The following FSTL5 variants were observed in gnomAD, a reference collection of about 807,000 sequenced individuals.
The protein encoded by FSTL5 is follistatin-related protein 5.
In FSTL5, 62 loss-of-function variants were observed where a neutral mutation model predicts 89.1. That is an observed-to-expected ratio of 0.70 (90% CI 0.57 to 0.86). FSTL5 has a LOEUF of 0.86. Ranked by LOEUF, FSTL5 falls within the 40% of genes least tolerant of loss-of-function variation. The pLI, the probability that FSTL5 is intolerant of heterozygous loss-of-function variation, is 0.00. For missense variants in FSTL5, 1,057 were observed against 1,001.6 expected (o/e 1.06, Z -0.75); for synonymous variants, 383 against 346.2 (o/e 1.11, Z -1.18).
intron 4 of FSTL5, among the ~76,000 whole-genome samples, chr4:161,831,121 G>A (rs1730830347): frequency 1.3e-5 from 2 of 151,486 alleles, no homozygotes; most frequent in South Asian, 2.1e-4. Flanking sequence ...GAGAGTGGGG[G>A]AAATTGGTAA....
In FSTL5 at chr4:161,567,558, C is replaced by T. The variant is rs571119205; in HGVS notation, c.1015+19897G>A. Among the ~76,000 whole-genome samples, 3 of 152,184 alleles carry T rather than the reference C, an allele frequency of 2.0e-5. No homozygotes were observed. The South Asian group carries it at 6.2e-4, about 32-fold the overall frequency. On this transcript the variant is annotated intron_variant, in intron 8 of 15. Coordinates refer to ENST00000306100, the MANE Select transcript of FSTL5 (RefSeq NM_020116.5). ...TACATAGAAGTAATCTATGATATATCACTCCTAGTCCAGTAAACCATATCA... is the reference window on the plus strand; with the variant it reads ...TACATAGAAGTAATCTATGATATATTACTCCTAGTCCAGTAAACCATATCA...
At chr4:161,816,208 A>G (rs1345382262) in intron 4 of FSTL5, among the ~76,000 whole-genome samples, 1 of 152,154 alleles carries the variant, frequency 6.6e-6, no homozygotes, top group African/African-American at 2.4e-5. Flanking sequence ...TCACTTCTAC[A>G]CAGGTGCACA....
At chr4:162,142,769 A>G (rs1732798350) in intron 1 of FSTL5, among the ~76,000 whole-genome samples, 1 of 152,316 alleles carries the variant, frequency 6.6e-6, no homozygotes, top group South Asian at 2.1e-4. Context: ...AGTCATAAAC[A>G]TGCATACCTG....
intron 15 of FSTL5, among the ~76,000 whole-genome samples, chr4:161,434,304 G>A (rs556103819): frequency 6.6e-6 from 1 of 152,098 alleles, no homozygotes; most frequent in Non-Finnish European, 1.5e-5. Context: ...ATACATTCAG[G>A]AAAAAACAGT....
chr4:161,695,634 A>T (rs1455507824), intron 6 of FSTL5, among the ~76,000 whole-genome samples: 6 of 151,588 alleles, frequency 4.0e-5, no homozygotes, highest in African/African-American at 1.5e-4. Context: ...TTGTTTTTTG[A>T]TTTTTTATTA....
intron 8 of FSTL5, among the ~76,000 whole-genome samples, chr4:161,583,973 T>C (rs1363410892): frequency 6.6e-6 from 1 of 152,094 alleles, no homozygotes; most frequent in Non-Finnish European, 1.5e-5. Flanking sequence ...TTTAACTTCT[T>C]CTCTCCTAAC....
chr4:161,880,223 A>G (rs1421184487), intron 4 of FSTL5, among the ~76,000 whole-genome samples: 1 of 152,106 alleles, frequency 6.6e-6, no homozygotes, highest in Non-Finnish European at 1.5e-5. Context: ...GTGTTCCATG[A>G]TATAGTCATT....
intron 6 of FSTL5, among the ~76,000 whole-genome samples, chr4:161,673,399 C>T (rs957283359): frequency 2.8e-4 from 43 of 151,890 alleles, no homozygotes; most frequent in Non-Finnish European, 4.6e-4. Context: ...ATATCCTGCT[C>T]ATTTGAAGTA....
chr4:162,077,674 G>A (rs1304733285), intron 2 of FSTL5, among the ~76,000 whole-genome samples: 1 of 151,608 alleles, frequency 6.6e-6, no homozygotes, highest in Non-Finnish European at 1.5e-5. Context: ...TAACTAGAGA[G>A]GAAGAAAAAT....
intron 6 of FSTL5, among the ~76,000 whole-genome samples, chr4:161,711,844 A>G (rs1437819261): frequency 1.3e-5 from 2 of 152,178 alleles, no homozygotes; most frequent in Non-Finnish European, 2.9e-5. Context: ...ATTAGTATAT[A>G]GTGTATCATA....
intron 6 of FSTL5, among the ~76,000 whole-genome samples, chr4:161,703,891 G>A (rs887352920): frequency 9.9e-5 from 15 of 151,792 alleles, no homozygotes; most frequent in African/African-American, 2.9e-4. Context: ...AGCTTTGTAC[G>A]TTAAAAACAC....
At chr4:161,778,546 G>A (rs1025582901) in intron 4 of FSTL5, among the ~76,000 whole-genome samples, 1 of 152,168 alleles carries the variant, frequency 6.6e-6, no homozygotes, top group Non-Finnish European at 1.5e-5. Flanking sequence ...AGAGATGATA[G>A]ACTGTCTTTA....
chr4:162,111,033 T>C (rs1190480302), intron 2 of FSTL5, among the ~76,000 whole-genome samples: 1 of 152,102 alleles, frequency 6.6e-6, no homozygotes, highest in East Asian at 1.9e-4. Context: ...AGGTAAATTC[T>C]AATAATTATG....
intron 7 of FSTL5, among the ~76,000 whole-genome samples, chr4:161,655,984 C>T (rs780226376): frequency 5.9e-5 from 9 of 152,082 alleles, no homozygotes; most frequent in East Asian, 3.9e-4. Flanking sequence ...TACTTGAACA[C>T]GCATATAGGC....
chr4:161,417,334 G>A (rs1455767371), intron 15 of FSTL5, among the ~76,000 whole-genome samples: 2 of 152,166 alleles, frequency 1.3e-5, no homozygotes, highest in African/African-American at 2.4e-5. Context: ...TGCAACCTGA[G>A]TGCACTACTC....
chr4:161,567,807 C>CTT (rs5863465), intron 8 of FSTL5, among the ~76,000 whole-genome samples: 10 of 151,672 alleles, frequency 6.6e-5, no homozygotes, highest in Middle Eastern at 3.2e-3. Flanking sequence ...AGAATCTACA[C>CTT]GTCTTTGATT....
rs142897448 is a variant in FSTL5, at chr4:162,053,648, G to A, written c.127-19990C>T. 7.3e-3 allele frequency among the ~76,000 whole-genome samples: 1,110 copies of A among 151,784 alleles called. 12 individuals are homozygous for A. Among genetic ancestry groups the A allele is most frequent in the Non-Finnish European group, 8.0e-3 (539 of 67,700 alleles). On this transcript the variant is annotated intron_variant, in intron 2 of 15. Transcript: ENST00000306100. ...GAGATACAGAGAATTACTAACACAT[G>A]TAAGGTATAAGATCCTTTTATATGA... is the stretch of plus-strand genomic sequence containing the variant.
chr4:161,640,320 C>A (rs145316640), intron 7 of FSTL5, among the ~76,000 whole-genome samples: 1 of 152,084 alleles, frequency 6.6e-6, no homozygotes, highest in African/African-American at 2.4e-5. Flanking sequence ...AGTAAATCAA[C>A]AGAAACTGTC....
At chr4:161,894,440 C>T (rs1049257091) in intron 4 of FSTL5, among the ~76,000 whole-genome samples, 7 of 152,030 alleles carry the variant, frequency 4.6e-5, no homozygotes, top group African/African-American at 9.7e-5. Context: ...ATGGGTTGAC[C>T]TGTCAAAAAA....
Sources: gnomAD v4.1 joint callset for allele counts (sites outside exome capture counted in the v4.1 genomes callset) on GRCh38, gnomAD v4.1.1 for gene constraint, MANE v1.5 for transcripts, NCBI Gene and HGNC (gene_info 2026-07-23, HGNC 2026-07-21) for gene names.